Variants in MLEC observed in about 807,000 individuals in gnomAD.
MLEC encodes the protein malectin, also known as oligosaccharyltransferase complex subunit (non-catalytic).
A neutral mutation model predicts 28.7 loss-of-function variants in MLEC; 7 were observed. The ratio of observed to expected loss-of-function variants is 0.24; its 90% CI spans 0.14 to 0.46. The LOEUF (loss-of-function observed/expected upper bound fraction) is 0.46. MLEC is among the 20% of genes least tolerant of loss of function. The probability of loss-of-function intolerance (pLI) is 0.99; values close to 1 mark genes in which losing one functional copy is unlikely to be tolerated. For synonymous variants in MLEC, 142 were observed against 164.4 expected, an observed-to-expected ratio of 0.86 and a Z score of 1.04; for missense variants, 237 against 391.1, an observed-to-expected ratio of 0.61 and a Z score of 3.32.
Position 120,696,213 on chromosome 12 carries a change from G to A in MLEC, c.650-103G>A. ...CTTCTGGTCTTTTCTCTGGACCCGGGTTCAATCACAGCAATCTCTTTATTG... is the reference window on the plus strand; with the variant it reads ...CTTCTGGTCTTTTCTCTGGACCCGGATTCAATCACAGCAATCTCTTTATTG... On this transcript the variant is annotated intron_variant, in intron 4 of 4. Coordinates refer to ENST00000228506, the MANE Select transcript of MLEC (RefSeq NM_014730.4). This position sits in a 1 kb window ranked among gnomAD's most constrained non-coding sequence, Gnocchi z 5.4. 1.4e-6 allele frequency: 2 copies of A among 1,455,730 alleles called. No homozygotes were observed. Among genetic ancestry groups the A allele is most frequent in the East Asian group, 2.3e-5 (1 of 44,050 alleles). The allele number at this position is 1,455,730 out of a possible 1,614,324, so 90.2% of individuals were successfully genotyped here.
chr12:120,687,645 A>T lies in MLEC; in HGVS notation c.235+114A>T, dbSNP rs1197875957. On this transcript the variant is annotated intron_variant, in intron 1 of 4. Coordinates refer to ENST00000228506, the MANE Select transcript of MLEC (RefSeq NM_014730.4). The surrounding 1 kb of genome is among the most constrained non-coding windows in gnomAD (Gnocchi z 8.1). ...ACCCTGGGGCCGCGTCTCTGGAGCG[A>T]AGTTTCTCTCTGCAGCTTCTTCGGG... The T allele has an allele frequency of 1.3e-6, 1 of 784,066 alleles. No individual in the cohort carries two copies. Among genetic ancestry groups the T allele is most frequent in the East Asian group, 3.3e-5 (1 of 30,084 alleles). The allele number at this position is 784,066 out of a possible 1,614,324, so 48.6% of individuals were successfully genotyped here.
chr12:120,689,213 G>C (rs1372715687), intron 1 of MLEC, among the ~76,000 whole-genome samples: 3 of 151,950 alleles, frequency 2.0e-5, no homozygotes, highest in Non-Finnish European at 4.4e-5. Flanking sequence ...TGGTGTGTGT[G>C]TGTGTGTGTG....
Position 120,693,965 on chromosome 12 carries a change from TG to T in MLEC, c.236-123del, listed in dbSNP as rs2137418135. Reference sequence around the variant, plus strand: ...GCTCTGTTTGGAGCCAGGTGCAGAGTGGGTGGCCCCTTTTATGGAGAGGGTT... The same window carrying T: ...GCTCTGTTTGGAGCCAGGTGCAGAGTGGTGGCCCCTTTTATGGAGAGGGTT... On this transcript the variant is annotated intron_variant, in intron 1 of 4. Coordinates refer to ENST00000228506, the MANE Select transcript of MLEC (RefSeq NM_014730.4). 6.6e-6 allele frequency: 5 copies of T among 759,464 alleles called. No homozygotes were observed. In the South Asian group the frequency reaches 9.9e-5, roughly 15 times the overall value. 47.0% of individuals were successfully genotyped at this position (759,464 alleles called of 1,614,324 possible).
Position 120,694,245 on chromosome 12 carries a change from C to G in MLEC, c.390C>G (p.Val130=). 1 of 1,614,040 alleles carries G rather than the reference C, an allele frequency of 6.2e-7. No individual in the cohort carries two copies. The highest frequency in any genetic ancestry group is 8.5e-7 in the Non-Finnish European group (1 of 1,180,032). The part of the protein sequence containing the change: ...DYVLVLKFAE[V]YFAQSQQKVF... ...TGCTGGTCTTGAAATTTGCAGAGGTCTACTTTGCACAGTCCCAGCAAAAGG... is the reference window on the plus strand; with the variant it reads ...TGCTGGTCTTGAAATTTGCAGAGGTGTACTTTGCACAGTCCCAGCAAAAGG... Residue 130 remains valine (V), a synonymous_variant, in exon 2 of 5, where the codon GTC becomes GTG. Transcript: ENST00000228506. This position sits in a 1 kb window ranked among gnomAD's most constrained non-coding sequence, Gnocchi z 4.5.
chr12:120,694,341 T>G lies in MLEC; in HGVS notation c.414+72T>G. 1 of 1,485,964 alleles carries G rather than the reference T, an allele frequency of 6.7e-7. No individual in the cohort carries two copies. Among genetic ancestry groups the G allele is most frequent in the Non-Finnish European group, 9.2e-7 (1 of 1,085,408 alleles). 92.0% of individuals were successfully genotyped at this position (1,485,964 alleles called of 1,614,324 possible). ...CTTGGACAATCCACGATTATGGGGC[T>G]AGAGAGTGTGAGAGTCTCTCCAGAA... is the stretch of plus-strand genomic sequence containing the variant. On this transcript the variant is annotated intron_variant, in intron 2 of 4. Transcript: ENST00000228506. This position sits in a 1 kb window ranked among gnomAD's most constrained non-coding sequence, Gnocchi z 4.5.
rs1881850965 is a variant in MLEC at position 120,687,186 on chromosome 12, C to A, written c.-111C>A. 1.7e-6 allele frequency: 2 copies of A among 1,207,354 alleles called. No individual in the cohort carries two copies. 74.8% of individuals were successfully genotyped at this position (1,207,354 alleles called of 1,614,324 possible). ...AAGGAGGCCTGAGAGCGACATGTCC[C>A]CGGCGGCTCAGGCGGAGCGGCCCGT... On this transcript the variant is annotated 5_prime_UTR_variant, in exon 1 of 5. Transcript: ENST00000228506. The surrounding 1 kb of genome is among the most constrained non-coding windows in gnomAD (Gnocchi z 8.1).
In MLEC at chr12:120,696,603, G is replaced by T. The variant is rs921946535; in HGVS notation, c.*58G>T. Reference sequence around the variant, plus strand: ...GTGTGGGAAAGAAACCAGCCATATTGGTTTTGGTTTCTGTATTTTTCACAA... The same window carrying T: ...GTGTGGGAAAGAAACCAGCCATATTTGTTTTGGTTTCTGTATTTTTCACAA... On this transcript the variant is annotated 3_prime_UTR_variant, in exon 5 of 5. Transcript: ENST00000228506. This position sits in a 1 kb window ranked among gnomAD's most constrained non-coding sequence, Gnocchi z 5.4. 6.3e-6 allele frequency: 10 copies of T among 1,580,864 alleles called. No individual in the cohort carries two copies. The highest frequency in any genetic ancestry group is 8.6e-6 in the Non-Finnish European group (10 of 1,165,482).
rs1238882750 is a variant in MLEC at position 120,698,446 on chromosome 12, C to G, written c.*1901C>G. 1 of 152,172 alleles carries G rather than the reference C, an allele frequency of 6.6e-6. No individual in the cohort carries two copies. Among genetic ancestry groups the G allele is most frequent in the Non-Finnish European group, 1.5e-5 (1 of 68,080 alleles). The allele number at this position is 152,172 out of a possible 1,614,324, so 9.4% of individuals were successfully genotyped here. A position where few individuals can be genotyped will look rare whatever the true frequency, so the allele number is the denominator to read the frequency against. On this transcript the variant is annotated 3_prime_UTR_variant, in exon 5 of 5. Coordinates refer to ENST00000228506, the MANE Select transcript of MLEC (RefSeq NM_014730.4). ...CGAGGCTGCAGTCAGAGGTATACTT[C>G]CCATAGTGCTTCACACAGCTCCCCT... is the stretch of plus-strand genomic sequence containing the variant.
In MLEC at chr12:120,687,545, T is replaced by C; in HGVS notation, c.235+14T>C. The C allele has an allele frequency of 1.3e-6, 2 of 1,489,190 alleles. No individual in the cohort carries two copies. The highest frequency in any genetic ancestry group is 2.1e-4 in the Middle Eastern group (1 of 4,852). The allele number at this position is 1,489,190 out of a possible 1,614,324, so 92.2% of individuals were successfully genotyped here. On this transcript the variant is annotated intron_variant, in intron 1 of 4. Transcript: ENST00000228506. This position sits in a 1 kb window ranked among gnomAD's most constrained non-coding sequence, Gnocchi z 8.1. ...GGGTGGGCCGAGGTGAGAGTCCCCC[T>C]GCCGAGCCGCGGGATCCAGGGCCTG...
chr12:120,689,642 C>T (rs1881964106), intron 1 of MLEC, among the ~76,000 whole-genome samples: 1 of 152,222 alleles, frequency 6.6e-6, no homozygotes, highest in Admixed American at 6.5e-5. Context: ...AGGAGTCAGT[C>T]CTACCAAGGG....
rs2137425594 is a variant in MLEC, at chr12:120,700,089, A to G, written c.*3544A>G. ...CTAGTGCTAAAATCCCTTTCCCTAGAAATTGGCTCACCTTGGGAAACCCAG... is the reference window on the plus strand; with the variant it reads ...CTAGTGCTAAAATCCCTTTCCCTAGGAATTGGCTCACCTTGGGAAACCCAG... On this transcript the variant is annotated 3_prime_UTR_variant, in exon 5 of 5. Coordinates refer to ENST00000228506, the MANE Select transcript of MLEC (RefSeq NM_014730.4). The surrounding 1 kb of genome is among the most constrained non-coding windows in gnomAD (Gnocchi z 4.0). 6.5e-6 allele frequency: 1 copy of G among 152,750 alleles called. No homozygotes were observed. The highest frequency in any genetic ancestry group is 1.5e-5 in the Non-Finnish European group (1 of 68,038). 9.5% of individuals were successfully genotyped at this position (152,750 alleles called of 1,614,324 possible).
chr12:120,691,421 GTA>G (rs1452093378), intron 1 of MLEC, among the ~76,000 whole-genome samples: 1 of 152,248 alleles, frequency 6.6e-6, no homozygotes, highest in African/African-American at 2.4e-5. Context: ...GACACTTCGT[GTA>G]TGTCTTTTCC....
At chr12:120,695,959 A>T (rs1882213867) in intron 4 of MLEC, among the ~76,000 whole-genome samples, 1 of 152,204 alleles carries the variant, frequency 6.6e-6, no homozygotes, top group African/African-American at 2.4e-5. Flanking sequence ...TTGTTGTGTG[A>T]ATCAAAAGGG....
Position 120,687,429 on chromosome 12 carries a change from C to A in MLEC, c.133C>A (p.Pro45Thr). ...GGCCGGCGCGGCGGGGGCCGGGCTG[C>A]CCGAGAGCGTCATTTGGGCGGTCAA... The part of the protein sequence containing the change: ...GVAGAAGAGL[P>T]ESVIWAVNAG... Residue 45 changes from proline to threonine, a missense_variant, in exon 1 of 5, where the codon CCC becomes ACC. Physicochemically the swap from Pro to Thr is conservative, Grantham distance 38. Transcript: ENST00000228506. This position sits in a 1 kb window ranked among gnomAD's most constrained non-coding sequence, Gnocchi z 8.1. 1 of 1,401,542 alleles carries A rather than the reference C, an allele frequency of 7.1e-7. No individual in the cohort carries two copies. The highest frequency in any genetic ancestry group is 9.3e-7 in the Non-Finnish European group (1 of 1,077,024). 86.8% of individuals were successfully genotyped at this position (1,401,542 alleles called of 1,614,324 possible). A position where few individuals can be genotyped will look rare whatever the true frequency, so the allele number is the denominator to read the frequency against.
At chr12:120,692,294 G>A (rs979700543) in intron 1 of MLEC, among the ~76,000 whole-genome samples, 8 of 152,184 alleles carry the variant, frequency 5.3e-5, no homozygotes, top group Non-Finnish European at 1.2e-4. Context: ...GAAATTCTTA[G>A]AGCTCAGTTG....
At chr12:120,693,460 G>A (rs1882113784) in intron 1 of MLEC, among the ~76,000 whole-genome samples, 1 of 152,212 alleles carries the variant, frequency 6.6e-6, no homozygotes, top group African/African-American at 2.4e-5. Flanking sequence ...CTGTGGGAAG[G>A]AAGGAAATTA....
chr12:120,690,980 A>G (rs1248528670), intron 1 of MLEC, among the ~76,000 whole-genome samples: 6 of 152,188 alleles, frequency 3.9e-5, no homozygotes, highest in Admixed American at 2.6e-4. Flanking sequence ...TTCTTTAGGT[A>G]CTGGCCTCAC....
At chr12:120,692,767 G>A (rs1882087323) in intron 1 of MLEC, among the ~76,000 whole-genome samples, 1 of 150,904 alleles carries the variant, frequency 6.6e-6, no homozygotes, top group Admixed American at 6.6e-5. Context: ...TTTCATGCGG[G>A]AGGAGAGACT....
rs1882298830 is a variant in MLEC at position 120,697,907 on chromosome 12, G to A, written c.*1362G>A. ...TAGCAGTCAGGTTCTTGGTGTGATG[G>A]GACTGAAAGAATTCCAGTCAGCCAG... On this transcript the variant is annotated 3_prime_UTR_variant, in exon 5 of 5. Transcript: ENST00000228506. This position sits in a 1 kb window ranked among gnomAD's most constrained non-coding sequence, Gnocchi z 4.8. 1 of 152,094 alleles carries A rather than the reference G, an allele frequency of 6.6e-6. No individual in the cohort carries two copies. The highest frequency in any genetic ancestry group is 2.4e-5 in the African/African-American group (1 of 41,416). The allele number at this position is 152,094 out of a possible 1,614,324, so 9.4% of individuals were successfully genotyped here.
Sources: allele counts gnomAD v4.1 joint callset (sites outside exome capture counted in the v4.1 genomes callset), GRCh38; gene constraint gnomAD v4.1.1; non-coding constraint Gnocchi (gnomAD v3.1); transcripts MANE v1.5; gene names NCBI Gene and HGNC (gene_info 2026-07-23, HGNC 2026-07-21).